AK7: variants seen among roughly 807,000 people sequenced by gnomAD.
The protein encoded by AK7 is ATP-AMP transphosphorylase 7.
In AK7, 78 loss-of-function variants were observed where a neutral mutation model predicts 96.6. The ratio of observed to expected loss-of-function variants is 0.81; its 90% CI spans 0.67 to 0.97. The LOEUF is 0.97. Among genes scored for constraint, AK7 ranks in the 50% least tolerant of loss-of-function variants. The pLI is 0.00. For missense variants in AK7, 855 were observed against 887.9 expected, an observed-to-expected ratio of 0.96 and a Z score of 0.47; for synonymous variants, 302 against 317.2, an observed-to-expected ratio of 0.95 and a Z score of 0.51.
chr14:96,440,823 G>T (rs1892919996), intron 6 of AK7, among the ~76,000 whole-genome samples: 1 of 152,186 alleles, frequency 6.6e-6, no homozygotes, highest in Non-Finnish European at 1.5e-5. Context: ...ATATTTAAAG[G>T]GAAAAGGGTA....
At chr14:96,448,293 A>C (rs897307400) in intron 8 of AK7, among the ~76,000 whole-genome samples, 2 of 152,052 alleles carry the variant, frequency 1.3e-5, no homozygotes, top group East Asian at 1.9e-4. Flanking sequence ...GCTTATAAAA[A>C]ATAGACATTT....
chr14:96,427,084 GA>G (rs936600677), intron 5 of AK7, among the ~76,000 whole-genome samples: 59 of 152,040 alleles, frequency 3.9e-4, no homozygotes, highest in Admixed American at 3.8e-3. Context: ...CGTCTCTACT[GA>G]AAATACAAAA....
At chr14:96,473,337 AT>A (rs1198160500) in intron 14 of AK7, among the ~76,000 whole-genome samples, 2 of 151,284 alleles carry the variant, frequency 1.3e-5, no homozygotes, top group African/African-American at 2.4e-5. Flanking sequence ...TGACTGGCTA[AT>A]TTTTTTGTAT....
In AK7 at chr14:96,483,235, G is replaced by A. The variant is rs1483483005; in HGVS notation, c.1974+16G>A. 2.5e-6 allele frequency: 4 copies of A among 1,576,602 alleles called. No individual in the cohort carries two copies. The highest frequency in any genetic ancestry group is 4.6e-5 in the East Asian group (2 of 43,770). On this transcript the variant is annotated intron_variant, in intron 16 of 17. Coordinates refer to ENST00000267584, the MANE Select transcript of AK7 (RefSeq NM_152327.5). Reference sequence around the variant, plus strand: ...GGAGGAGTGGGTGAGTGGTGAGTGTGTTTGTGAGTCTGTGTATCTGTGGAA... The same window carrying A: ...GGAGGAGTGGGTGAGTGGTGAGTGTATTTGTGAGTCTGTGTATCTGTGGAA...
chr14:96,456,529 T>C, intron 11 of AK7, 54 bp downstream of exon 11: 2 of 1,582,772 alleles, frequency 1.3e-6, no homozygotes, highest in Admixed American at 3.4e-5. Flanking sequence ...GTATTGTTCT[T>C]AGGGTATAAA....
In AK7 at chr14:96,408,724, G is replaced by A. The variant is rs889736683; in HGVS notation, c.404-123G>A. 4.0e-6 allele frequency: 3 copies of A among 758,434 alleles called. No individual in the cohort carries two copies. In the African/African-American group the frequency reaches 5.2e-5, roughly 13 times the overall value. 47.0% of individuals were successfully genotyped at this position (758,434 alleles called of 1,614,324 possible). A position where few individuals can be genotyped will look rare whatever the true frequency, so the allele number is the denominator to read the frequency against. On this transcript the variant is annotated intron_variant, in intron 3 of 17. Coordinates refer to ENST00000267584, the MANE Select transcript of AK7 (RefSeq NM_152327.5). The stretch of plus-strand genomic sequence containing the variant: ...AGAACGGTGATGGGAACAGGTCAAA[G>A]AAGCATCAGAGGTAACAGCACCCTG...
intron 5 of AK7, among the ~76,000 whole-genome samples, chr14:96,430,183 ATTT>A (rs555444267): frequency 1.2e-3 from 138 of 116,108 alleles, no homozygotes; most frequent in Middle Eastern, 4.7e-3. Context: ...GGGCTGTTGA[ATTT>A]TTTTTTTTTT....
At chr14:96,405,660 G>A (rs1005751008) in intron 3 of AK7, among the ~76,000 whole-genome samples, 5 of 152,054 alleles carry the variant, frequency 3.3e-5, no homozygotes, top group Admixed American at 2.6e-4. Flanking sequence ...AGGGGGGTGC[G>A]CTCACAAGGA....
chr14:96,394,973 C>T (rs932093843), intron 1 of AK7, among the ~76,000 whole-genome samples: 4 of 151,874 alleles, frequency 2.6e-5, no homozygotes, highest in African/African-American at 9.7e-5. Context: ...AAAAATCTGC[C>T]AAAAAAAGAG....
At chr14:96,456,109 C>T (rs951286621) in intron 10 of AK7, among the ~76,000 whole-genome samples, 6 of 151,686 alleles carry the variant, frequency 4.0e-5, no homozygotes, top group South Asian at 2.1e-4. Context: ...CATGGTGGTG[C>T]GCACATGTAG....
intron 4 of AK7, among the ~76,000 whole-genome samples, chr14:96,420,182 A>G (rs1170483123): frequency 6.6e-6 from 1 of 151,646 alleles, no homozygotes; most frequent in African/African-American, 2.4e-5. Flanking sequence ...AGCATTTTTA[A>G]GAAGAGTAAA....
At chr14:96,484,590 A>C (rs1455093689) in intron 16 of AK7, among the ~76,000 whole-genome samples, 2 of 152,160 alleles carry the variant, frequency 1.3e-5, no homozygotes, top group Non-Finnish European at 1.5e-5. Context: ...GGTCATCTGC[A>C]TGACTCATTG....
At chr14:96,486,016 C>T (rs1210305374) in intron 16 of AK7, among the ~76,000 whole-genome samples, 2 of 152,066 alleles carry the variant, frequency 1.3e-5, no homozygotes, top group Non-Finnish European at 2.9e-5. Flanking sequence ...GATCTCCTGA[C>T]CTCGTGATCC....
intron 5 of AK7, chr14:96,423,931 T>C: frequency 9.4e-7 from 1 of 1,059,480 alleles, no homozygotes; most frequent in Non-Finnish European, 1.5e-6. Context: ...ACTGCTGATG[T>C]CACTGCCCTT....
At chr14:96,428,534 G>A (rs535012304) in intron 5 of AK7, among the ~76,000 whole-genome samples, 19 of 152,254 alleles carry the variant, frequency 1.2e-4, no homozygotes, top group African/African-American at 4.6e-4. Flanking sequence ...TTGAGGAATC[G>A]CCACACTGTC....
At chr14:96,412,198 T>C (rs1318454048) in intron 4 of AK7, among the ~76,000 whole-genome samples, 1 of 150,866 alleles carries the variant, frequency 6.6e-6, no homozygotes, top group Non-Finnish European at 1.5e-5. Flanking sequence ...CTGCAAGGAC[T>C]CCTGGTACTT....
chr14:96,435,067 C>T (rs1300012812), intron 5 of AK7, among the ~76,000 whole-genome samples: 1 of 152,112 alleles, frequency 6.6e-6, no homozygotes, highest in Non-Finnish European at 1.5e-5. Flanking sequence ...ATGGCAGGGA[C>T]CCCAAGAGCC....
chr14:96,448,630 TAAAAAAAA>T (rs71103528), intron 8 of AK7, among the ~76,000 whole-genome samples: 32 of 74,896 alleles, frequency 4.3e-4, no homozygotes, highest in Admixed American at 1.2e-3. Context: ...ACCCTATCTC[TAAAAAAAA>T]AAAAAAAAAA....
intron 2 of AK7, chr14:96,398,619 C>T (rs1232821809): frequency 5.0e-5 from 13 of 257,660 alleles, no homozygotes; most frequent in Admixed American, 1.0e-4. Flanking sequence ...CGGTGGCTTA[C>T]GCCTGTAATC....
Sources: gnomAD v4.1 joint callset for allele counts (sites outside exome capture counted in the v4.1 genomes callset) on GRCh38, gnomAD v4.1.1 for gene constraint, MANE v1.5 for transcripts, NCBI Gene and HGNC (gene_info 2026-07-23, HGNC 2026-07-21) for gene names.